The following PPP2R3A variants were observed in gnomAD, a reference collection of about 807,000 sequenced individuals.
PPP2R3A encodes the protein protein phosphatase 2 regulatory subunit B''alpha, also known as serine/threonine-protein phosphatase 2A regulatory subunit B'' subunit alpha.
Under a neutral mutation model 106.9 loss-of-function variants are expected in PPP2R3A, and 80 were observed. The observed-to-expected ratio is 0.75, with a 90% confidence interval of 0.62 to 0.90. The LOEUF (loss-of-function observed/expected upper bound fraction) is 0.90, where lower values mean the gene tolerates loss of function less well. Among genes scored for constraint, PPP2R3A ranks in the 40% least tolerant of loss-of-function variants. The pLI, the probability that PPP2R3A is intolerant of heterozygous loss-of-function variation, is 0.00. For synonymous variants in PPP2R3A, 483 were observed against 468.3 expected, an observed-to-expected ratio of 1.03 and a Z score of -0.41; for missense variants, 1,386 against 1,350.4, an observed-to-expected ratio of 1.03 and a Z score of -0.41.
chr3:136,055,649 A>G (rs748430625), intron 5 of PPP2R3A: 14 of 1,262,224 alleles, frequency 1.1e-5, no homozygotes, highest in Middle Eastern at 1.9e-4. Context: ...AAAGTACTTG[A>G]TACAGAGGTT....
intron 10 of PPP2R3A, among the ~76,000 whole-genome samples, chr3:136,101,421 T>G (rs2107964981): frequency 6.6e-6 from 1 of 152,114 alleles, no homozygotes; most frequent in Non-Finnish European, 1.5e-5. Context: ...GTTGGTTGGT[T>G]GTTTAGTTGG....
intron 10 of PPP2R3A, among the ~76,000 whole-genome samples, chr3:136,093,179 C>G (rs1395862426): frequency 1.3e-5 from 2 of 152,164 alleles, no homozygotes. Flanking sequence ...GAGGCCAAGG[C>G]AGGTGGATTG....
chr3:136,078,102 C>G (rs1936656131), intron 6 of PPP2R3A, among the ~76,000 whole-genome samples: 2 of 152,070 alleles, frequency 1.3e-5, no homozygotes, highest in Non-Finnish European at 2.9e-5. Flanking sequence ...TAGAGGTAAA[C>G]AAAAGAAGTG....
intron 13 of PPP2R3A, among the ~76,000 whole-genome samples, chr3:136,111,652 TA>T (rs202202333): frequency 4.9e-4 from 71 of 143,518 alleles, no homozygotes; most frequent in East Asian, 2.4e-3. Context: ...GATCAGTAAT[TA>T]AAAAAAAAAA....
At chr3:136,083,737 A>G (rs1361892787) in intron 8 of PPP2R3A, among the ~76,000 whole-genome samples, 1 of 152,214 alleles carries the variant, frequency 6.6e-6, no homozygotes, top group Admixed American at 6.5e-5. Context: ...AATGGCTTTA[A>G]CCAAAATGCT....
Position 136,102,054 on chromosome 3 carries a change from T to G in PPP2R3A, c.2975T>G (p.Leu992Arg). 2 of 1,614,090 alleles carry G rather than the reference T, an allele frequency of 1.2e-6. No individual in the cohort carries two copies. The highest frequency in any genetic ancestry group is 2.7e-5 in the African/African-American group (2 of 75,046). ...RCMDVDGDGV[L>R]SMYELEYFYE... ...ATGGATGTGGATGGAGACGGTGTAC[T>G]CTCCATGTATGAGCTGGAGTACTTC... is the stretch of plus-strand genomic sequence containing the variant. Residue 992 changes from leucine (L) to arginine (R), a missense_variant, in exon 11 of 14, where the codon CTC (leucine) becomes CGC (arginine). By Grantham distance (102) the Leu-to-Arg change is moderately radical. Transcript: ENST00000264977.
At chr3:136,099,290 C>T (rs1161623139) in intron 10 of PPP2R3A, among the ~76,000 whole-genome samples, 1 of 152,066 alleles carries the variant, frequency 6.6e-6, no homozygotes, top group Non-Finnish European at 1.5e-5. Flanking sequence ...CAAATATGAG[C>T]AGAGAACAGA....
At chr3:136,065,416 T>C (rs1422423732) in intron 5 of PPP2R3A, among the ~76,000 whole-genome samples, 1 of 152,188 alleles carries the variant, frequency 6.6e-6, no homozygotes, top group Non-Finnish European at 1.5e-5. Flanking sequence ...TATAAATGCT[T>C]GTATATGCTT....
Position 136,026,875 on chromosome 3 carries a change from C to T in PPP2R3A, c.2039C>T (p.Pro680Leu), listed in dbSNP as rs762605520. Residue 680 changes from proline to leucine, a missense_variant, in exon 3 of 14, where the codon CCT (proline) becomes CTT (leucine). Transcript: ENST00000264977. Reference protein sequence around the residue: ...PEKKPGTPLPPPATSPSSPRP... With the variant: ...PEKKPGTPLPLPATSPSSPRP... ...AAGAAACCTGGAACACCACTCCCAC[C>T]TCCAGCCACCTCTCCAAGTAGTCCC... The T allele has an allele frequency of 3.7e-6, 6 of 1,612,930 alleles. No homozygotes were observed. In the South Asian group the frequency reaches 4.4e-5, roughly 12 times the overall value.
intron 1 of PPP2R3A, among the ~76,000 whole-genome samples, chr3:135,968,512 C>G (rs1216899804): frequency 6.6e-6 from 1 of 152,158 alleles, no homozygotes; most frequent in Middle Eastern, 3.2e-3. Flanking sequence ...TTTGGGAACC[C>G]AGAAGCCAGG....
At chr3:135,967,897 T>A (rs1937135585) in intron 1 of PPP2R3A, among the ~76,000 whole-genome samples, 1 of 152,190 alleles carries the variant, frequency 6.6e-6, no homozygotes, top group Non-Finnish European at 1.5e-5. Flanking sequence ...GCGTAGGATG[T>A]TTAGCAGCAT....
intron 13 of PPP2R3A, among the ~76,000 whole-genome samples, chr3:136,136,951 T>G (rs1423278307): frequency 1.3e-5 from 2 of 152,180 alleles, no homozygotes; most frequent in Admixed American, 1.3e-4. Context: ...ACATTGCAAA[T>G]TAACATGTCT....
chr3:136,036,764 A>C (rs911579441), intron 3 of PPP2R3A, among the ~76,000 whole-genome samples: 1 of 152,214 alleles, frequency 6.6e-6, no homozygotes, highest in Non-Finnish European at 1.5e-5. Flanking sequence ...TTGGAGCTGC[A>C]GTCTAGTCCT....
intron 6 of PPP2R3A, 140 bp from the exon 7 acceptor site, chr3:136,078,227 A>AT (rs1936659069): frequency 3.1e-6 from 2 of 652,564 alleles, no homozygotes; most frequent in South Asian, 3.7e-5. Context: ...TACAGTGCTG[A>AT]TTTTTACTAG....
intron 4 of PPP2R3A, among the ~76,000 whole-genome samples, chr3:136,045,956 G>C (rs935356224): frequency 1.1e-4 from 16 of 152,184 alleles, no homozygotes; most frequent in African/African-American, 3.9e-4. Context: ...GGCCGAGGCA[G>C]TAAGATTGCA....
intron 13 of PPP2R3A, among the ~76,000 whole-genome samples, chr3:136,119,935 CAA>C (rs1937928269): frequency 1.3e-5 from 2 of 152,122 alleles, no homozygotes; most frequent in Admixed American, 1.3e-4. Context: ...TTCACAATAG[CAA>C]AGACTTGGAA....
chr3:135,991,119 G>T (rs1034929416), intron 1 of PPP2R3A, among the ~76,000 whole-genome samples: 1 of 152,068 alleles, frequency 6.6e-6, no homozygotes, highest in African/African-American at 2.4e-5. Context: ...CCTCTCTGGT[G>T]TGTCGTCTTT....
At chr3:136,122,320 T>TGAAAA (rs1178593123) in intron 13 of PPP2R3A, among the ~76,000 whole-genome samples, 2 of 152,006 alleles carry the variant, frequency 1.3e-5, no homozygotes, top group African/African-American at 4.8e-5. Flanking sequence ...GCCTCAGACT[T>TGAAAA]GAAAAGAAAC....
chr3:136,046,465 A>G (rs1207926576), intron 4 of PPP2R3A, among the ~76,000 whole-genome samples: 2 of 152,142 alleles, frequency 1.3e-5, no homozygotes, highest in East Asian at 1.9e-4. Flanking sequence ...AAAAAAAAAA[A>G]AAAGAAATCC....
Sources: allele counts gnomAD v4.1 joint callset (sites outside exome capture counted in the v4.1 genomes callset), GRCh38; gene constraint gnomAD v4.1.1; transcripts MANE v1.5; gene names NCBI Gene and HGNC (gene_info 2026-07-23, HGNC 2026-07-21).